The following WAC variants were observed in gnomAD, a reference collection of about 807,000 sequenced individuals.
WAC encodes the protein WW domain containing adaptor with coiled-coil, also known as WW domain-containing adapter protein with coiled-coil.
WAC carries 11 observed loss-of-function variants against 79.6 expected under a neutral mutation model. The observed-to-expected ratio is 0.14, with a 90% CI of 0.09 to 0.23. The LOEUF is 0.23. Among genes scored for constraint, WAC ranks in the 10% least tolerant of loss-of-function variants. The pLI, the probability that WAC is intolerant of heterozygous loss-of-function variation, is 1.00. For synonymous variants in WAC, 304 were observed against 276.9 expected (o/e 1.10, Z -0.97); for missense variants, 728 against 773.5 (o/e 0.94, Z 0.70).
intron 3 of WAC, among the ~76,000 whole-genome samples, chr10:28,571,980 C>G (rs1331089499): frequency 6.6e-6 from 1 of 152,124 alleles, no homozygotes; most frequent in African/African-American, 2.4e-5. Flanking sequence ...GCTTTCCTCC[C>G]TTAGAATAAC....
rs1009508150 is a variant in WAC at position 28,591,859 on chromosome 10, A to C, written c.610+1027A>C. 5 of 142,764 alleles carry C rather than the reference A, an allele frequency of 3.5e-5. No homozygotes were observed. In the South Asian group the frequency reaches 1.1e-3, roughly 32 times the overall value. 8.8% of individuals were successfully genotyped at this position (142,764 alleles called of 1,614,324 possible). A position where few individuals can be genotyped will look rare whatever the true frequency, so the allele number is the denominator to read the frequency against. On this transcript the variant is annotated intron_variant, in intron 6 of 13. Coordinates refer to ENST00000354911, the MANE Select transcript of WAC (RefSeq NM_016628.5). ...AAAAAAAAAAAAAAAAAAAAAAAAA[A>C]ATTAACTGTCACATAGACTTCCTGG...
chr10:28,535,413 C>A, intron 2 of WAC, 149 bp from the exon 3 acceptor site: 3 of 879,524 alleles, frequency 3.4e-6, no homozygotes, highest in East Asian at 3.5e-5. Flanking sequence ...GTCTGAGAAA[C>A]TTTAAAGAGT....
chr10:28,614,656 T>G lies in WAC; in HGVS notation c.1527T>G (p.Pro509=). 1 of 1,614,142 alleles carries G rather than the reference T, an allele frequency of 6.2e-7. No homozygotes were observed. Among genetic ancestry groups the G allele is most frequent in the Non-Finnish European group, 8.5e-7 (1 of 1,179,982 alleles). Residue 509 remains proline, a synonymous_variant, in exon 11 of 14, where the codon CCT becomes CCG. Coordinates refer to ENST00000354911, the MANE Select transcript of WAC (RefSeq NM_016628.5). The part of the protein sequence containing the change: ...VTADKQQGHE[P]VSPRSLQRSS... ...CTGACAAGCAGCAAGGTCATGAACCTGTCTCTCCTCGAAGTCTTCAGCGCT... is the reference window on the plus strand; with the variant it reads ...CTGACAAGCAGCAAGGTCATGAACCGGTCTCTCCTCGAAGTCTTCAGCGCT...
At chr10:28,557,049 C>T (rs1838036613) in intron 3 of WAC, among the ~76,000 whole-genome samples, 1 of 149,572 alleles carries the variant, frequency 6.7e-6, no homozygotes, top group African/African-American at 2.5e-5. Flanking sequence ...TTTTATGTTC[C>T]CTACAAATTT....
chr10:28,576,056 T>C (rs1839229052), intron 3 of WAC, among the ~76,000 whole-genome samples: 1 of 152,194 alleles, frequency 6.6e-6, no homozygotes, highest in South Asian at 2.1e-4. Flanking sequence ...AGGTGTGTAG[T>C]AGACTATACC....
intron 7 of WAC, among the ~76,000 whole-genome samples, chr10:28,605,677 T>C (rs1840906702): frequency 6.6e-6 from 1 of 152,180 alleles, no homozygotes; most frequent in East Asian, 1.9e-4. Context: ...TTTTGGAGTA[T>C]TTTCCCTTTT....
rs567736417 is a variant in WAC at position 28,560,667 on chromosome 10, A to G, written c.275-22732A>G. Among the ~76,000 whole-genome samples, 6 of 152,318 alleles carry G rather than the reference A, an allele frequency of 3.9e-5. No individual in the cohort carries two copies. In the South Asian group the frequency reaches 1.2e-3, roughly 32 times the overall value. ...ACCCAGACTCTTAAAGAAATTGAGT[A>G]AAGACCAGGAACCTGCAGACTCTGT... On this transcript the variant is annotated intron_variant, in intron 3 of 13. Coordinates refer to ENST00000354911, the MANE Select transcript of WAC (RefSeq NM_016628.5).
At chr10:28,553,678 A>G (rs1413794773) in intron 3 of WAC, among the ~76,000 whole-genome samples, 1 of 152,168 alleles carries the variant, frequency 6.6e-6, no homozygotes, top group African/African-American at 2.4e-5. Flanking sequence ...TAGAGTGTAA[A>G]TATTAATACA....
chr10:28,534,966 G>C (rs1241839175), intron 2 of WAC, among the ~76,000 whole-genome samples: 1 of 152,138 alleles, frequency 6.6e-6, no homozygotes, highest in African/African-American at 2.4e-5. Flanking sequence ...ATTATTTTGA[G>C]CGCATTATGC....
At chr10:28,589,993 T>G in intron 5 of WAC, 142 bp downstream of exon 5, 1 of 608,442 alleles carries the variant, frequency 1.6e-6, no homozygotes, top group Non-Finnish European at 2.9e-6. Flanking sequence ...TGGTTGCCCC[T>G]TCGTGTTTTC....
intron 4 of WAC, among the ~76,000 whole-genome samples, chr10:28,585,801 C>T (rs1441760494): frequency 6.6e-6 from 1 of 151,894 alleles, no homozygotes; most frequent in Non-Finnish European, 1.5e-5. Context: ...TTGTAAAACA[C>T]AAATGCAAAC....
At chr10:28,533,933 TC>T in intron 1 of WAC, 64 bp from the exon 2 acceptor site, 1 of 1,585,928 alleles carries the variant, frequency 6.3e-7, no homozygotes, top group Non-Finnish European at 8.6e-7. Flanking sequence ...GGCCCCGTTT[TC>T]TTCCTCCCCG....
intron 3 of WAC, 130 bp downstream of exon 3, chr10:28,535,887 AT>A (rs71391048): frequency 6.2e-3 from 4,317 of 700,840 alleles, no homozygotes; most frequent in South Asian, 0.01. Flanking sequence ...TAATCCTATC[AT>A]TTTTTTTTTA....
chr10:28,609,890 A>G (rs1378615518), intron 8 of WAC, among the ~76,000 whole-genome samples: 2 of 150,888 alleles, frequency 1.3e-5, no homozygotes, highest in African/African-American at 4.9e-5. Context: ...ATAATAAAAT[A>G]TCTTACACAT....
chr10:28,611,570 A>G, intron 9 of WAC: 1 of 1,274,816 alleles, frequency 7.8e-7, no homozygotes, highest in Non-Finnish European at 1.0e-6. Flanking sequence ...GGGTGTGCTT[A>G]CCTCTGAACA....
intron 3 of WAC, among the ~76,000 whole-genome samples, chr10:28,581,234 G>A (rs1164211410): frequency 1.7e-5 from 2 of 114,874 alleles, no homozygotes; most frequent in Non-Finnish European, 3.4e-5. Context: ...TACAATGAGC[G>A]ATTCTTTTTT....
At chr10:28,586,685 TCAAAA>T (rs1839835868) in intron 4 of WAC, among the ~76,000 whole-genome samples, 1 of 152,048 alleles carries the variant, frequency 6.6e-6, no homozygotes, top group African/African-American at 2.4e-5. Context: ...AGACCCTGTT[TCAAAA>T]ATAATAATAA....
chr10:28,542,747 T>C (rs1837127717), intron 3 of WAC, among the ~76,000 whole-genome samples: 1 of 152,246 alleles, frequency 6.6e-6, no homozygotes, highest in African/African-American at 2.4e-5. Context: ...TAAATTCCTG[T>C]GCAGCTTGAT....
chr10:28,532,953 G>C (rs1403011103), upstream of WAC: 9 of 153,322 alleles, frequency 5.9e-5, no homozygotes, highest in East Asian at 1.7e-3. Flanking sequence ...GGGCAGACTG[G>C]TCGCGAAGAG....
Sources: gnomAD v4.1 joint callset for allele counts (sites outside exome capture counted in the v4.1 genomes callset) on GRCh38, gnomAD v4.1.1 for gene constraint, MANE v1.5 for transcripts, NCBI Gene and HGNC (gene_info 2026-07-23, HGNC 2026-07-21) for gene names.